Variants in CSNK1G1 observed in about 807,000 individuals in gnomAD.
The protein encoded by CSNK1G1 is casein kinase I isoform gamma-1.
Under a neutral mutation model 59.6 loss-of-function variants are expected in CSNK1G1, and 22 were observed. The ratio of observed to expected loss-of-function variants is 0.37; its 90% CI spans 0.26 to 0.53. CSNK1G1 has a LOEUF of 0.53. Among genes scored for constraint, CSNK1G1 ranks in the 20% least tolerant of loss-of-function variants. The pLI, the probability that CSNK1G1 is intolerant of heterozygous loss-of-function variation, is 0.89. For missense variants in CSNK1G1, 384 were observed against 519.5 expected (o/e 0.74, Z 2.54); for synonymous variants, 179 against 177.1 (o/e 1.01, Z -0.08).
At chr15:64,313,804 A>C (rs1004161668) in intron 1 of CSNK1G1, among the ~76,000 whole-genome samples, 13 of 150,918 alleles carry the variant, frequency 8.6e-5, no homozygotes, top group Middle Eastern at 3.4e-3. Context: ...AAAAAAAAAA[A>C]CCCCAAAAAC....
chr15:64,301,479 C>T (rs1198823257), intron 1 of CSNK1G1, among the ~76,000 whole-genome samples: 1 of 151,716 alleles, frequency 6.6e-6, no homozygotes. Flanking sequence ...AATTTTGATG[C>T]TATATTTGAT....
chr15:64,180,147 G>C, intron 11 of CSNK1G1: 1 of 553,640 alleles, frequency 1.8e-6, no homozygotes, highest in Non-Finnish European at 3.3e-6. Context: ...CTAGAAAAAT[G>C]TGACTGTCTT....
intron 2 of CSNK1G1, among the ~76,000 whole-genome samples, chr15:64,281,776 G>C (rs1324812183): frequency 1.3e-5 from 2 of 151,170 alleles, no homozygotes; most frequent in Non-Finnish European, 1.5e-5. Flanking sequence ...AAAGGCAGAA[G>C]TTGCAGTGAG....
chr15:64,193,672 C>T (rs2082003261), intron 10 of CSNK1G1, among the ~76,000 whole-genome samples: 1 of 152,064 alleles, frequency 6.6e-6, no homozygotes, highest in Non-Finnish European at 1.5e-5. Flanking sequence ...TCACTGACAA[C>T]AACCTGAAAA....
chr15:64,332,723 T>C (rs557529907), intron 1 of CSNK1G1, among the ~76,000 whole-genome samples: 8 of 145,150 alleles, frequency 5.5e-5, no homozygotes, highest in Admixed American at 4.8e-4. Flanking sequence ...CAAAACAATT[T>C]AAAAAAAAAC....
intron 1 of CSNK1G1, among the ~76,000 whole-genome samples, chr15:64,338,841 A>C (rs990368489): frequency 2.0e-5 from 3 of 151,990 alleles, no homozygotes; most frequent in African/African-American, 7.3e-5. Flanking sequence ...AACATGGTGA[A>C]ACCCCGTCTC....
chr15:64,230,596 C>T (rs1761806554), intron 4 of CSNK1G1, among the ~76,000 whole-genome samples: 1 of 152,192 alleles, frequency 6.6e-6, no homozygotes, highest in African/African-American at 2.4e-5. Context: ...GGTCCCTATT[C>T]TGACTCTAGG....
intron 2 of CSNK1G1, among the ~76,000 whole-genome samples, chr15:64,287,002 T>C (rs1894461626): frequency 1.3e-5 from 2 of 152,226 alleles, no homozygotes; most frequent in Admixed American, 6.5e-5. Flanking sequence ...TAAATGCTAA[T>C]GACTATCATC....
intron 10 of CSNK1G1, among the ~76,000 whole-genome samples, chr15:64,202,823 G>A (rs577949901): frequency 4.6e-5 from 7 of 152,242 alleles, no homozygotes; most frequent in African/African-American, 1.4e-4. Context: ...AAAGTGCTTG[G>A]ATTACAGGCA....
chr15:64,211,052 G>C (rs1006938628), intron 6 of CSNK1G1, among the ~76,000 whole-genome samples: 1 of 152,126 alleles, frequency 6.6e-6, no homozygotes, highest in Admixed American at 6.5e-5. Flanking sequence ...CATGCTTCTT[G>C]TACAGCCTGC....
rs753373601 is a variant in CSNK1G1 at position 64,166,083 on chromosome 15, A to AAAAAAAAAAAAAGT, written c.*5834_*5847dup. 3 of 123,276 alleles carry AAAAAAAAAAAAAGT rather than the reference A, an allele frequency of 2.4e-5. No individual in the cohort carries two copies. The highest frequency in any genetic ancestry group is 8.4e-5 in the Admixed American group (1 of 11,838). 7.6% of individuals were successfully genotyped at this position (123,276 alleles called of 1,614,324 possible). A position where few individuals can be genotyped will look rare whatever the true frequency, so the allele number is the denominator to read the frequency against. On this transcript the variant is annotated 3_prime_UTR_variant, in exon 12 of 12. Transcript: ENST00000303052. The surrounding 1 kb of genome is among the most constrained non-coding windows in gnomAD (Gnocchi z 4.5). ...AGGGTTTATGAAACATTATACATCT[A>AAAAAAAAAAAAAGT]AAAAAAAAAAAAGTAAAAAAAGAGG...
At chr15:64,259,416 C>G (rs989648050) in intron 2 of CSNK1G1, among the ~76,000 whole-genome samples, 175 bp from the exon 3 acceptor site, 2 of 151,558 alleles carry the variant, frequency 1.3e-5, no homozygotes, top group African/African-American at 4.9e-5. Context: ...AAGGCTAGAA[C>G]AGCTTGAAAA....
At chr15:64,187,410 G>A (rs1451629080) in intron 10 of CSNK1G1, among the ~76,000 whole-genome samples, 1 of 151,548 alleles carries the variant, frequency 6.6e-6, no homozygotes, top group Non-Finnish European at 1.5e-5. Context: ...ATGTTGGCCA[G>A]GCTAGTCTTG....
chr15:64,173,407 A>AT (rs1365248631), intron 11 of CSNK1G1, among the ~76,000 whole-genome samples: 1 of 152,184 alleles, frequency 6.6e-6, no homozygotes, highest in East Asian at 1.9e-4. Flanking sequence ...CTTTGGAAAG[A>AT]TTTTCTCTGA....
intron 4 of CSNK1G1, among the ~76,000 whole-genome samples, chr15:64,220,400 C>T (rs1228108656): frequency 6.6e-6 from 1 of 151,728 alleles, no homozygotes; most frequent in Non-Finnish European, 1.5e-5. Flanking sequence ...TGGCCCAGAA[C>T]TTCTAATTGT....
At chr15:64,270,759 CA>C (rs746403335) in intron 2 of CSNK1G1, among the ~76,000 whole-genome samples, 137 of 103,320 alleles carry the variant, frequency 1.3e-3, no homozygotes, top group Middle Eastern at 6.3e-3. Context: ...GACTCCGTCT[CA>C]AAAAAAAAAA....
intron 10 of CSNK1G1, among the ~76,000 whole-genome samples, chr15:64,189,173 C>G (rs983021438): frequency 2.0e-5 from 3 of 152,080 alleles, no homozygotes; most frequent in Non-Finnish European, 4.4e-5. Context: ...CATCGTTTGC[C>G]TGGTTCTTCT....
chr15:64,314,576 A>C lies in CSNK1G1; in HGVS notation c.-224-13853T>G, dbSNP rs1303593518. Among the ~76,000 whole-genome samples, 5 of 151,926 alleles carry C rather than the reference A, an allele frequency of 3.3e-5. No homozygotes were observed. In the South Asian group the frequency reaches 8.3e-4, roughly 25 times the overall value. ...CTGTACCACAGAATTAAAAAAAAAA[A>C]AAAAAAACATATCCCTCAGCTGAGA... On this transcript the variant is annotated intron_variant, in intron 1 of 11. Coordinates refer to ENST00000303052, the MANE Select transcript of CSNK1G1 (RefSeq NM_022048.5).
intron 1 of CSNK1G1, among the ~76,000 whole-genome samples, chr15:64,337,994 C>T (rs551737968): frequency 1.3e-5 from 2 of 152,188 alleles, no homozygotes; most frequent in South Asian, 4.1e-4. Context: ...TATGTATATA[C>T]TACATATTGT....
Sources: gnomAD v4.1 joint callset for allele counts (sites outside exome capture counted in the v4.1 genomes callset) on GRCh38, gnomAD v4.1.1 for gene constraint, Gnocchi (gnomAD v3.1) non-coding constraint, MANE v1.5 for transcripts, NCBI Gene and HGNC (gene_info 2026-07-23, HGNC 2026-07-21) for gene names.